The following REXO4 variants were observed in gnomAD, a reference collection of about 807,000 sequenced individuals.
REXO4 encodes the protein RNA exonuclease 4, also known as REX4 homolog, 3'-5' exonuclease.
REXO4 carries 29 observed loss-of-function variants against 39.9 expected under a neutral mutation model. The ratio of observed to expected loss-of-function variants is 0.73; its 90% CI spans 0.54 to 0.99. The LOEUF (loss-of-function observed/expected upper bound fraction) is 0.99, where lower values mean the gene tolerates loss of function less well. Among genes scored for constraint, REXO4 ranks in the 50% least tolerant of loss-of-function variants. The pLI, the probability that REXO4 is intolerant of heterozygous loss-of-function variation, is 0.00. For synonymous variants in REXO4, 184 were observed against 206.2 expected (o/e 0.89, Z 0.92); for missense variants, 524 against 546.5 (o/e 0.96, Z 0.41).
chr9:133,407,136 A>G, intron 7 of REXO4, 64 bp from the exon 8 acceptor site: 2 of 1,602,212 alleles, frequency 1.2e-6, no homozygotes, highest in Non-Finnish European at 1.7e-6. Flanking sequence ...TCAACCCCAC[A>G]ATGACTGAGC....
In REXO4 at chr9:133,406,096, A is replaced by G. The variant is rs1554778705; in HGVS notation, c.*857T>C. ...AACATCTGCATTTATTTTAAATCGC[A>G]TCCTCGGTGTGTCTGCCCCTTTTCT... On this transcript the variant is annotated 3_prime_UTR_variant, in exon 8 of 8. Coordinates refer to ENST00000371942, the MANE Select transcript of REXO4 (RefSeq NM_020385.4). The G allele has an allele frequency of 6.6e-6, 1 of 152,208 alleles. No individual in the cohort carries two copies. 9.4% of individuals were successfully genotyped at this position (152,208 alleles called of 1,614,324 possible). A position where few individuals can be genotyped will look rare whatever the true frequency, so the allele number is the denominator to read the frequency against.
Position 133,412,396 on chromosome 9 carries a change from A to G in REXO4, c.813T>C (p.Tyr271=). The change falls in exon 4 of 8, where the codon TAT becomes TAC. Residue 271 remains tyrosine, a synonymous_variant. Coordinates refer to ENST00000371942, the MANE Select transcript of REXO4 (RefSeq NM_020385.4). ...CGTACTTGTCATAAACGCACTTCCC[A>G]TACTGGTTCACGATGGACACACGGG... The part of the protein sequence containing the change: ...MAARVSIVNQ[Y]GKCVYDKYVK... 6.2e-7 allele frequency: 1 copy of G among 1,614,050 alleles called. No individual in the cohort carries two copies. The highest frequency in any genetic ancestry group is 8.5e-7 in the Non-Finnish European group (1 of 1,180,020).
rs1839253876 is a variant in REXO4, at chr9:133,412,315, A to T, written c.894T>A (p.Pro298=). Reference sequence around the variant, plus strand: ...ATGACATACCCTGCTTGAGGTTCTCAGGCCGAATCCCACTGACCGCTGTCC... The same window carrying T: ...ATGACATACCCTGCTTGAGGTTCTCTGGCCGAATCCCACTGACCGCTGTCC... ...DYRTAVSGIR[P]ENLKQGEELE... The change falls in exon 4 of 8, where the codon CCT becomes CCA. Residue 298 remains proline, a synonymous_variant. Transcript: ENST00000371942. 1 of 1,613,754 alleles carries T rather than the reference A, an allele frequency of 6.2e-7. No homozygotes were observed. The highest frequency in any genetic ancestry group is 8.5e-7 in the Non-Finnish European group (1 of 1,180,028).
Position 133,406,710 on chromosome 9 carries a change from C to A in REXO4, c.*243G>T. On this transcript the variant is annotated 3_prime_UTR_variant, in exon 8 of 8. Coordinates refer to ENST00000371942, the MANE Select transcript of REXO4 (RefSeq NM_020385.4). ...GTCGGTAAAGCGTGGCCAGGCGTGCCCATGGCCGTCCCTGCTCCCCACCCT... is the reference window on the plus strand; with the variant it reads ...GTCGGTAAAGCGTGGCCAGGCGTGCACATGGCCGTCCCTGCTCCCCACCCT... The A allele has an allele frequency of 1.8e-6, 1 of 568,104 alleles. No individual in the cohort carries two copies. The highest frequency in any genetic ancestry group is 3.1e-6 in the Non-Finnish European group (1 of 325,618). 35.2% of individuals were successfully genotyped at this position (568,104 alleles called of 1,614,324 possible). A position where few individuals can be genotyped will look rare whatever the true frequency, so the allele number is the denominator to read the frequency against.
At chr9:133,413,731 C>T (rs904463349) in intron 2 of REXO4, among the ~76,000 whole-genome samples, 4 of 152,196 alleles carry the variant, frequency 2.6e-5, no homozygotes, top group African/African-American at 4.8e-5. Context: ...TGAATGGACA[C>T]GTCCCTCTTG....
chr9:133,412,494 T>G lies in REXO4; in HGVS notation c.717-2A>C, dbSNP rs1289855240. 6 of 1,613,760 alleles carry G rather than the reference T, an allele frequency of 3.7e-6. No individual in the cohort carries two copies. In the African/African-American group the frequency reaches 5.3e-5, roughly 14 times the overall value. On this transcript the variant is annotated splice_acceptor_variant, in intron 3 of 7. Coordinates refer to ENST00000371942, the MANE Select transcript of REXO4 (RefSeq NM_020385.4). LOFTEE classifies it high-confidence loss of function. ...TCCAAGGCTAAGGCTCTTGTCAGGC[T>G]GAAGGGTAACCAAAGGCTGTAGTTT...
At chr9:133,415,089 A>T (rs1839496323) in intron 1 of REXO4, 78 bp from the exon 2 acceptor site, 10 of 1,134,302 alleles carry the variant, frequency 8.8e-6, no homozygotes, top group Middle Eastern at 2.0e-4. Flanking sequence ...TTACGTGTGT[A>T]TGTATATACA....
Position 133,411,099 on chromosome 9 carries a change from T to G in REXO4, c.911-26A>C, listed in dbSNP as rs782086642. 7.5e-6 allele frequency: 12 copies of G among 1,596,150 alleles called. No individual in the cohort carries two copies. The Admixed American group carries it at 1.3e-4, about 18-fold the overall frequency. On this transcript the variant is annotated intron_variant, in intron 4 of 7. Transcript: ENST00000371942. ...CTGGAAAATCAACACAAAGAAGCGG[T>G]TTTTTGCAACACACACATCACCATC...
At chr9:133,414,086 T>G (rs1290383540) in intron 2 of REXO4, among the ~76,000 whole-genome samples, 2 of 152,218 alleles carry the variant, frequency 1.3e-5, no homozygotes. Flanking sequence ...TTTTCACTTG[T>G]TTTTTTGAGA....
chr9:133,412,211 T>C (rs1351092593), intron 4 of REXO4, 88 bp downstream of exon 4: 19 of 1,342,164 alleles, frequency 1.4e-5, no homozygotes, highest in Non-Finnish European at 1.9e-5. Flanking sequence ...CTGCAGTGAG[T>C]GGTCTCAGAC....
chr9:133,413,981 G>A (rs1243493919), intron 2 of REXO4, among the ~76,000 whole-genome samples: 2 of 152,248 alleles, frequency 1.3e-5, no homozygotes, highest in Admixed American at 1.3e-4. Flanking sequence ...GAAGCCAGCT[G>A]TAACTTATGA....
chr9:133,412,543 CTCCAGGTCAGAGCCCCAGGGA>C lies in REXO4; in HGVS notation c.717-72_717-52del, dbSNP rs782151317. On this transcript the variant is annotated intron_variant, in intron 3 of 7. Transcript: ENST00000371942. Reference sequence around the variant, plus strand: ...TTAATAAACACGGCAGGCCACAGGGCTCCAGGTCAGAGCCCCAGGGATCCATGGACTAAGTGTCAGCAGAGA... The same window carrying C: ...TTAATAAACACGGCAGGCCACAGGGCTCCATGGACTAAGTGTCAGCAGAGA... The C allele has an allele frequency of 6.9e-6, 11 of 1,595,994 alleles. No homozygotes were observed. In the African/African-American group the frequency reaches 1.2e-4, roughly 17 times the overall value.
At chr9:133,408,678 A>T in intron 6 of REXO4, 90 bp downstream of exon 6, 1 of 871,282 alleles carries the variant, frequency 1.1e-6, no homozygotes, top group South Asian at 1.5e-5. Flanking sequence ...AAAACCCTTT[A>T]ACCAACAAGT....
At chr9:133,414,601 A>G (rs782532389) in intron 2 of REXO4, 64 bp downstream of exon 2, 25 of 1,438,078 alleles carry the variant, frequency 1.7e-5, no homozygotes, top group Non-Finnish European at 2.5e-5. Context: ...AGCCTCCATA[A>G]GGAGACAGGC....
chr9:133,410,925 G>A, intron 5 of REXO4, 60 bp downstream of exon 5: 1 of 1,223,246 alleles, frequency 8.2e-7, no homozygotes, highest in Non-Finnish European at 1.2e-6. Flanking sequence ...CACAGCAAGG[G>A]CGTGAGTGTA....
At chr9:133,418,081 C>T, upstream of REXO4, 1 of 543,200 alleles carries the variant, frequency 1.8e-6, no homozygotes, top group Non-Finnish European at 3.2e-6. Flanking sequence ...CGGATCCCTG[C>T]CTCTGGTTCC....
intron 4 of REXO4, among the ~76,000 whole-genome samples, chr9:133,411,479 G>T (rs587708584): frequency 6.0e-4 from 92 of 152,282 alleles, no homozygotes; most frequent in African/African-American, 2.1e-3. Context: ...CACAAAAATG[G>T]GTAGAGATGT....
At chr9:133,412,076 G>C (rs1384816146) in intron 4 of REXO4, among the ~76,000 whole-genome samples, 1 of 152,026 alleles carries the variant, frequency 6.6e-6, no homozygotes, top group Non-Finnish European at 1.5e-5. Flanking sequence ...TACTGGCCTG[G>C]TCTTGAAGTC....
chr9:133,418,105 G>T (rs116265968), upstream of REXO4: 3,134 of 512,912 alleles, frequency 6.1e-3, 31 homozygotes, highest in African/African-American at 0.034. Flanking sequence ...CAGCCTGGGC[G>T]GTTCACCCGC....
Sources: allele counts gnomAD v4.1 joint callset (sites outside exome capture counted in the v4.1 genomes callset), GRCh38; gene constraint gnomAD v4.1.1; transcripts MANE v1.5; gene names NCBI Gene and HGNC (gene_info 2026-07-23, HGNC 2026-07-21).